LRIG1: variants seen among roughly 807,000 people sequenced by gnomAD.
The protein encoded by LRIG1 is leucine rich repeats and immunoglobulin like domains 1, also known as leucine-rich repeats and immunoglobulin-like domains protein 1.
Under a neutral mutation model 99.2 loss-of-function variants are expected in LRIG1, and 48 were observed. That is an observed-to-expected ratio of 0.48 (90% CI 0.38 to 0.62). The LOEUF is 0.62. Ranked by LOEUF, LRIG1 falls within the 20% of genes least tolerant of loss-of-function variation. LRIG1 has a pLI of 0.00. For synonymous variants in LRIG1, 772 were observed against 596.1 expected (o/e 1.29, Z -4.30); for missense variants, 1,646 against 1,434.4 (o/e 1.15, Z -2.38).
intron 1 of LRIG1, among the ~76,000 whole-genome samples, chr3:66,474,659 A>G (rs1183856879): frequency 1.3e-5 from 2 of 152,008 alleles, no homozygotes; most frequent in African/African-American, 4.8e-5. Context: ...TCTACATTCA[A>G]TGTGGCTGGG....
At position 66,386,439 on chromosome 3, in the gene LRIG1, C is replaced by A. The variant is rs1014122910; in HGVS notation, c.1469-138G>T. ...AGGTCCCTGTGCATCCTCAGCCCCA[C>A]CAACCAGATGCCGTAAGAGTTGCAC... On this transcript the variant is annotated intron_variant, in intron 12 of 18. Coordinates refer to ENST00000273261, the MANE Select transcript of LRIG1 (RefSeq NM_015541.3). 4.3e-6 allele frequency: 3 copies of A among 690,950 alleles called. No homozygotes were observed. The African/African-American group carries it at 5.4e-5, about 12-fold the overall frequency. The allele number at this position is 690,950 out of a possible 1,614,324, so 42.8% of individuals were successfully genotyped here.
chr3:66,450,287 C>G (rs1043587090), intron 3 of LRIG1, among the ~76,000 whole-genome samples: 6 of 152,200 alleles, frequency 3.9e-5, no homozygotes, highest in African/African-American at 1.4e-4. Context: ...TACGTGACAA[C>G]TAGCCACCAG....
intron 9 of LRIG1, chr3:66,404,422 C>T: frequency 1.7e-6 from 2 of 1,202,482 alleles, no homozygotes; most frequent in Non-Finnish European, 2.1e-6. Flanking sequence ...ACTCTCGTCC[C>T]CTTCCTGCAC....
intron 12 of LRIG1, among the ~76,000 whole-genome samples, chr3:66,393,310 C>T (rs1201416913): frequency 6.6e-6 from 1 of 152,228 alleles, no homozygotes; most frequent in African/African-American, 2.4e-5. Context: ...CTGGGAATCC[C>T]ACTCTTGCTC....
At chr3:66,385,653 A>T (rs1489204232) in intron 13 of LRIG1, among the ~76,000 whole-genome samples, 1 of 152,078 alleles carries the variant, frequency 6.6e-6, no homozygotes, top group Admixed American at 6.5e-5. Context: ...GGGTTTCACT[A>T]TGTTGGCCAC....
chr3:66,416,631 A>T (rs917442590), intron 4 of LRIG1, among the ~76,000 whole-genome samples: 5 of 152,194 alleles, frequency 3.3e-5, no homozygotes, highest in African/African-American at 1.2e-4. Context: ...GAAAACCCAC[A>T]TAATAGAGTA....
intron 1 of LRIG1, among the ~76,000 whole-genome samples, chr3:66,473,567 T>TTCCAATATTATTTTCTAGGTTTA (rs1700650757): frequency 6.6e-6 from 1 of 152,220 alleles, no homozygotes. Context: ...ACAAGGTTCC[T>TTCCAATATTATTTTCTAGGTTTA]TCCAATATTA....
chr3:66,382,410 CAG>C lies in LRIG1; in HGVS notation c.2492-14_2492-13del, dbSNP rs1701130605. 6.2e-7 allele frequency: 1 copy of C among 1,614,058 alleles called. No individual in the cohort carries two copies. The highest frequency in any genetic ancestry group is 8.5e-7 in the Non-Finnish European group (1 of 1,180,020). On this transcript the variant is annotated splice_polypyrimidine_tract_variant and intron_variant, in intron 15 of 18. Transcript: ENST00000273261. ...CACGACGGTTTCATCTGCAAGGAGA[CAG>C]AACAAATAGAACACCAGGGTCTCAG...
intron 1 of LRIG1, among the ~76,000 whole-genome samples, chr3:66,492,445 G>T (rs906402983): frequency 3.3e-5 from 5 of 152,054 alleles, no homozygotes; most frequent in South Asian, 2.1e-4. Flanking sequence ...AAAAAAAGAA[G>T]AAAAACCCTG....
chr3:66,398,794 C>A (rs1701948612), intron 10 of LRIG1, among the ~76,000 whole-genome samples, 176 bp downstream of exon 10: 1 of 152,230 alleles, frequency 6.6e-6, no homozygotes, highest in African/African-American at 2.4e-5. Flanking sequence ...GTAACTGTTC[C>A]TGGCATAGGC....
intron 1 of LRIG1, among the ~76,000 whole-genome samples, chr3:66,492,811 T>G (rs996376358): frequency 6.6e-6 from 1 of 152,134 alleles, no homozygotes; most frequent in African/African-American, 2.4e-5. Flanking sequence ...CTAGATTAAA[T>G]AGTAATAAAG....
intron 9 of LRIG1, among the ~76,000 whole-genome samples, chr3:66,403,823 C>T (rs1702157469): frequency 6.6e-6 from 1 of 152,210 alleles, no homozygotes; most frequent in Non-Finnish European, 1.5e-5. Context: ...CCACCCTCAC[C>T]CTTCAATCGG....
chr3:66,405,820 G>A, intron 8 of LRIG1: 1 of 1,156,644 alleles, frequency 8.6e-7, no homozygotes, highest in Non-Finnish European at 1.1e-6. Context: ...CTCTGAGCCA[G>A]GGAGGACATC....
At chr3:66,446,702 G>A (rs1047005509) in intron 3 of LRIG1, among the ~76,000 whole-genome samples, 2 of 151,920 alleles carry the variant, frequency 1.3e-5, no homozygotes, top group African/African-American at 2.4e-5. Flanking sequence ...CACCATGCCC[G>A]GCCTTCCTAT....
At chr3:66,398,254 G>T in intron 10 of LRIG1, 71 bp from the exon 11 acceptor site, 1 of 1,201,848 alleles carries the variant, frequency 8.3e-7, no homozygotes. Flanking sequence ...GGACAGTCCT[G>T]GTTTCACAGA....
intron 3 of LRIG1, among the ~76,000 whole-genome samples, chr3:66,449,368 C>T (rs1224816609): frequency 6.6e-6 from 1 of 152,200 alleles, no homozygotes; most frequent in African/African-American, 2.4e-5. Context: ...TGCCCAACTT[C>T]AGGCCAAAGA....
rs138020235 is a variant in LRIG1, at chr3:66,421,312, C to T, written c.366-4046G>A. 3.4e-3 allele frequency among the ~76,000 whole-genome samples: 518 copies of T among 152,338 alleles called. 3 individuals carry two copies. Among genetic ancestry groups the T allele is most frequent in the African/African-American group, 0.012 (500 of 41,578 alleles). On this transcript the variant is annotated intron_variant, in intron 3 of 18. Coordinates refer to ENST00000273261, the MANE Select transcript of LRIG1 (RefSeq NM_015541.3). The stretch of plus-strand genomic sequence containing the variant: ...AAAAGTCCACAGTCCAAAGTCTCTT[C>T]TGAGACAATGCAAGTCCCTCTGCCT...
chr3:66,413,006 T>A lies in LRIG1; in HGVS notation c.656A>T (p.Asn219Ile), dbSNP rs142178825. The change falls in exon 6 of 19, where the codon AAT (asparagine) becomes ATT (isoleucine). Residue 219 changes from asparagine to isoleucine, a missense_variant. Coordinates refer to ENST00000273261, the MANE Select transcript of LRIG1 (RefSeq NM_015541.3). ...KLPRLTQLDL[N>I]RNRIRLIEGL... ...CTCTATCAGCCGAATCCTGTTCCGA[T>A]TGAGGTCCCTAAAGAGATGAAGCCA... The A allele has an allele frequency of 6.2e-7, 1 of 1,614,172 alleles. No individual in the cohort carries two copies. The highest frequency in any genetic ancestry group is 2.2e-5 in the East Asian group (1 of 44,866).
At chr3:66,450,148 T>A (rs952121759) in intron 3 of LRIG1, among the ~76,000 whole-genome samples, 8 of 152,054 alleles carry the variant, frequency 5.3e-5, no homozygotes, top group Non-Finnish European at 1.2e-4. Context: ...GGGTACAAAA[T>A]AAAGTCAGAC....
Sources: gnomAD v4.1 joint callset for allele counts (sites outside exome capture counted in the v4.1 genomes callset) on GRCh38, gnomAD v4.1.1 for gene constraint, MANE v1.5 for transcripts, NCBI Gene and HGNC (gene_info 2026-07-23, HGNC 2026-07-21) for gene names.